The following KDM4B variants were observed in gnomAD, a reference collection of about 807,000 sequenced individuals.
KDM4B encodes the protein lysine-specific demethylase 4B.
In KDM4B, 32 loss-of-function variants were observed where a neutral mutation model predicts 125.2. The observed-to-expected ratio is 0.26, with a 90% confidence interval of 0.19 to 0.34. The LOEUF is 0.34. KDM4B is among the 10% of genes least tolerant of loss of function. KDM4B has a pLI of 1.00. For synonymous variants in KDM4B, 721 were observed against 677.9 expected (o/e 1.06, Z -0.99); for missense variants, 1,190 against 1,577.7 (o/e 0.75, Z 4.16).
chr19:5,012,566 C>T (rs763986084), intron 1 of KDM4B, among the ~76,000 whole-genome samples: 6 of 152,178 alleles, frequency 3.9e-5, no homozygotes, highest in East Asian at 1.9e-4. Context: ...GGACCACTCC[C>T]GACACGTTCC....
At chr19:5,084,822 A>G (rs949774279) in intron 9 of KDM4B, among the ~76,000 whole-genome samples, 3 of 151,628 alleles carry the variant, frequency 2.0e-5, no homozygotes, top group African/African-American at 7.3e-5. Flanking sequence ...TCAAAGAAAA[A>G]AAATGAATTT....
chr19:5,148,694 G>A (rs1568328685), intron 21 of KDM4B, among the ~76,000 whole-genome samples: 1 of 152,154 alleles, frequency 6.6e-6, no homozygotes, highest in Non-Finnish European at 1.5e-5. Context: ...TTGGCAAAGC[G>A]GAGCCTCCAA....
At chr19:5,103,392 C>A (rs2038974844) in intron 9 of KDM4B, among the ~76,000 whole-genome samples, 1 of 152,226 alleles carries the variant, frequency 6.6e-6, no homozygotes. Flanking sequence ...TAACCGGAGG[C>A]AAACCAGCAG....
At chr19:5,103,085 G>C (rs1407416131) in intron 9 of KDM4B, among the ~76,000 whole-genome samples, 1 of 152,194 alleles carries the variant, frequency 6.6e-6, no homozygotes, top group African/African-American at 2.4e-5. Flanking sequence ...GGGCAGTTGG[G>C]GGCACCCCCT....
In KDM4B at chr19:5,128,472, C is replaced by G. The variant is rs78920930; in HGVS notation, c.1316-2604C>G. On this transcript the variant is annotated intron_variant, in intron 11 of 22. Transcript: ENST00000159111. ...CCAGTCCCCGGTGAGGCTGGATGGG[C>G]ACCGCAGCCTGCAGTCCTGAGTGAG... is the stretch of plus-strand genomic sequence containing the variant. Among the ~76,000 whole-genome samples, 890 of 152,338 alleles carry G rather than the reference C, an allele frequency of 5.8e-3. 28 individuals carry two copies. The East Asian group carries it at 0.079, about 13-fold the overall frequency.
intron 1 of KDM4B, among the ~76,000 whole-genome samples, chr19:4,984,982 C>T (rs1272948794): frequency 6.6e-6 from 1 of 152,110 alleles, no homozygotes; most frequent in African/African-American, 2.4e-5. Context: ...AACAAGTTTC[C>T]TAGAGGGATG....
intron 1 of KDM4B, among the ~76,000 whole-genome samples, 181 bp from the exon 2 acceptor site, chr19:5,016,076 T>C (rs2035884179): frequency 6.6e-6 from 1 of 152,212 alleles, no homozygotes; most frequent in Admixed American, 6.5e-5. Flanking sequence ...TTGGAAAACT[T>C]GACTGGGTAA....
chr19:4,994,069 A>T, intron 1 of KDM4B, among the ~76,000 whole-genome samples: 1 of 122,434 alleles, frequency 8.2e-6, no homozygotes, highest in Admixed American at 9.7e-5. Context: ...CTTTTTTGAG[A>T]CAGGGTTTCG....
At chr19:5,130,945 T>C (rs1179331356) in intron 11 of KDM4B, 131 bp from the exon 12 acceptor site, 4 of 669,350 alleles carry the variant, frequency 6.0e-6, no homozygotes, top group Non-Finnish European at 9.8e-6. Flanking sequence ...TGCCCACCCA[T>C]GTTCGTGTGG....
In KDM4B at chr19:5,131,808, G is replaced by A. The variant is rs532399301; in HGVS notation, c.1786-79G>A. Reference sequence around the variant, plus strand: ...AGGAGACTCAGGCCTCAGGCACGCCGAGCCCCTGTGTGGCTCCGAGGGAGC... The same window carrying A: ...AGGAGACTCAGGCCTCAGGCACGCCAAGCCCCTGTGTGGCTCCGAGGGAGC... On this transcript the variant is annotated intron_variant, in intron 12 of 22. Transcript: ENST00000159111. The A allele has an allele frequency of 1.7e-3, 2,665 of 1,588,120 alleles. 3 individuals carry two copies. The highest frequency in any genetic ancestry group is 2.2e-3 in the Non-Finnish European group (2,518 of 1,162,840).
chr19:5,132,385 A>ATCT (rs2039574058), intron 13 of KDM4B, among the ~76,000 whole-genome samples: 1 of 152,118 alleles, frequency 6.6e-6, no homozygotes, highest in South Asian at 2.1e-4. Flanking sequence ...AGGAGATGGA[A>ATCT]TCTTCGATTT....
chr19:5,099,319 G>A (rs956853228), intron 9 of KDM4B, among the ~76,000 whole-genome samples: 3 of 152,332 alleles, frequency 2.0e-5, no homozygotes, highest in Middle Eastern at 3.4e-3. Context: ...TGTCTTGGGT[G>A]GCGGTAGTGA....
chr19:5,053,842 C>T (rs1268512198), intron 6 of KDM4B, among the ~76,000 whole-genome samples: 1 of 152,266 alleles, frequency 6.6e-6, no homozygotes, highest in Non-Finnish European at 1.5e-5. Flanking sequence ...GCGCTCAGCA[C>T]CAGCCCAGGG....
At chr19:5,007,542 C>CTTT (rs10536135) in intron 1 of KDM4B, among the ~76,000 whole-genome samples, 180 of 100,748 alleles carry the variant, frequency 1.8e-3, no homozygotes, top group Non-Finnish European at 2.7e-3. Context: ...TTCTCTCTCT[C>CTTT]TTTTTTTTTT....
At chr19:5,012,772 G>A (rs1045338294) in intron 1 of KDM4B, among the ~76,000 whole-genome samples, 1 of 152,242 alleles carries the variant, frequency 6.6e-6, no homozygotes, top group Non-Finnish European at 1.5e-5. Flanking sequence ...TGGGGTTGGA[G>A]CCGTGTGGCT....
At chr19:5,103,170 C>T (rs957149843) in intron 9 of KDM4B, among the ~76,000 whole-genome samples, 1 of 152,130 alleles carries the variant, frequency 6.6e-6, no homozygotes, top group Non-Finnish European at 1.5e-5. Flanking sequence ...CTGCAGGCAC[C>T]GGGCAGCCCT....
At chr19:5,012,329 C>A (rs919978770) in intron 1 of KDM4B, among the ~76,000 whole-genome samples, 1 of 152,260 alleles carries the variant, frequency 6.6e-6, no homozygotes, top group African/African-American at 2.4e-5. Context: ...CTTGTGGGAA[C>A]ATCCTGCCTG....
At chr19:5,116,245 A>AG (rs2039252953) in intron 10 of KDM4B, among the ~76,000 whole-genome samples, 1 of 147,464 alleles carries the variant, frequency 6.8e-6, no homozygotes, top group East Asian at 1.9e-4. Flanking sequence ...TAAAAAAAAA[A>AG]AAAAAAAAAA....
rs1440331810 is a variant in KDM4B, at chr19:5,151,946, G to A, written c.*435G>A. 4 of 160,432 alleles carry A rather than the reference G, an allele frequency of 2.5e-5. No individual in the cohort carries two copies. The highest frequency in any genetic ancestry group is 5.4e-5 in the Non-Finnish European group (4 of 73,936). 9.9% of individuals were successfully genotyped at this position (160,432 alleles called of 1,614,324 possible). A position where few individuals can be genotyped will look rare whatever the true frequency, so the allele number is the denominator to read the frequency against. ...CCCCAAAGTTGTTTTCTAGATTTGT[G>A]GCTTTAAGAAAAACAAAACAAAACA... On this transcript the variant is annotated 3_prime_UTR_variant, in exon 23 of 23. Transcript: ENST00000159111.
Sources: allele counts gnomAD v4.1 joint callset (sites outside exome capture counted in the v4.1 genomes callset), GRCh38; gene constraint gnomAD v4.1.1; transcripts MANE v1.5; gene names NCBI Gene and HGNC (gene_info 2026-07-23, HGNC 2026-07-21).